Variants in PIK3AP1 observed in about 807,000 individuals in gnomAD.
PIK3AP1 encodes phosphoinositide 3-kinase adapter protein 1.
Under a neutral mutation model 88.1 loss-of-function variants are expected in PIK3AP1, and 21 were observed. The observed-to-expected ratio is 0.24, with a 90% confidence interval of 0.17 to 0.34. The LOEUF (loss-of-function observed/expected upper bound fraction) is 0.34, where lower values mean the gene tolerates loss of function less well. Ranked by LOEUF, PIK3AP1 falls within the 10% of genes least tolerant of loss-of-function variation. The pLI is 1.00. For missense variants in PIK3AP1, 828 were observed against 1,035.7 expected, an observed-to-expected ratio of 0.80 and a Z score of 2.75; for synonymous variants, 398 against 400.0, an observed-to-expected ratio of 1.00 and a Z score of 0.06.
At chr10:96,605,427 C>A (rs1402949147) in intron 14 of PIK3AP1, among the ~76,000 whole-genome samples, 1 of 152,142 alleles carries the variant, frequency 6.6e-6, no homozygotes, top group Non-Finnish European at 1.5e-5. Context: ...CATAACTGGA[C>A]AGCACAGCAT....
chr10:96,678,176 G>A (rs1283340364), intron 2 of PIK3AP1, among the ~76,000 whole-genome samples: 1 of 152,112 alleles, frequency 6.6e-6, no homozygotes, highest in Non-Finnish European at 1.5e-5. Flanking sequence ...GTTCATGCCT[G>A]TAATCCCAGC....
chr10:96,651,125 G>T, intron 6 of PIK3AP1, 123 bp downstream of exon 6: 1 of 1,282,914 alleles, frequency 7.8e-7, no homozygotes, highest in Non-Finnish European at 1.1e-6. Context: ...TCACAGGATA[G>T]GTTATAGAGA....
At chr10:96,642,144 G>A (rs1443711470) in intron 8 of PIK3AP1, among the ~76,000 whole-genome samples, 1 of 152,158 alleles carries the variant, frequency 6.6e-6, no homozygotes, top group Non-Finnish European at 1.5e-5. Flanking sequence ...AAAAATGTGG[G>A]CCGGGCATGG....
intron 2 of PIK3AP1, chr10:96,700,846 C>T: frequency 1.0e-6 from 1 of 985,710 alleles, no homozygotes; most frequent in Non-Finnish European, 1.2e-6. Flanking sequence ...GCAACTTCCC[C>T]TTTGCTCAGA....
chr10:96,700,149 CA>C (rs1844276897), intron 2 of PIK3AP1, among the ~76,000 whole-genome samples: 2 of 152,200 alleles, frequency 1.3e-5, no homozygotes, highest in Non-Finnish European at 1.5e-5. Context: ...TCACCAAACA[CA>C]GTTGACATAG....
intron 2 of PIK3AP1, among the ~76,000 whole-genome samples, chr10:96,689,575 C>CAAAAAA (rs56828361): frequency 1.4e-5 from 1 of 70,438 alleles, no homozygotes; most frequent in African/African-American, 5.2e-5. Context: ...GACTCTGTCT[C>CAAAAAA]AAAAAAAAAA....
At chr10:96,640,055 T>C (rs1277623438) in intron 8 of PIK3AP1, among the ~76,000 whole-genome samples, 1 of 151,804 alleles carries the variant, frequency 6.6e-6, no homozygotes, top group Non-Finnish European at 1.5e-5. Flanking sequence ...ACCAGGGAGG[T>C]TGCTAAGGGA....
chr10:96,678,745 C>G (rs541189443), intron 2 of PIK3AP1, among the ~76,000 whole-genome samples: 1 of 152,174 alleles, frequency 6.6e-6, no homozygotes, highest in African/African-American at 2.4e-5. Flanking sequence ...GCCTCAACAC[C>G]TTCCTCCTTT....
At chr10:96,638,169 T>G (rs1181399953) in intron 8 of PIK3AP1, among the ~76,000 whole-genome samples, 1 of 152,188 alleles carries the variant, frequency 6.6e-6, no homozygotes, top group Non-Finnish European at 1.5e-5. Flanking sequence ...GTTGGAAACT[T>G]AATCCCTCCA....
At position 96,698,915 on chromosome 10, in the gene PIK3AP1, C is replaced by T. The variant is rs151153562; in HGVS notation, c.430+10652G>A. Among the ~76,000 whole-genome samples the T allele has an allele frequency of 2.0e-3, 305 of 152,264 alleles. 2 individuals carry two copies. Among genetic ancestry groups the T allele is most frequent in the Middle Eastern group, 0.017 (5 of 294 alleles). On this transcript the variant is annotated intron_variant, in intron 2 of 16. Coordinates refer to ENST00000339364, the MANE Select transcript of PIK3AP1 (RefSeq NM_152309.3). ...ATATTAGGCCCGGCGTAGTGGCTCA[C>T]GCCTGTAATCCCAGCACTTTGGGAG...
chr10:96,658,503 C>T (rs555452886), intron 2 of PIK3AP1, among the ~76,000 whole-genome samples: 5 of 152,252 alleles, frequency 3.3e-5, no homozygotes, highest in African/African-American at 1.2e-4. Context: ...TCAGTACCAC[C>T]GTATCCTATT....
At chr10:96,682,030 A>C (rs995891713) in intron 2 of PIK3AP1, among the ~76,000 whole-genome samples, 2 of 152,038 alleles carry the variant, frequency 1.3e-5, no homozygotes, top group African/African-American at 4.8e-5. Context: ...AGAGAGAGAG[A>C]GAGAGAAACA....
intron 2 of PIK3AP1, among the ~76,000 whole-genome samples, chr10:96,695,227 TTG>T (rs1844204974): frequency 2.0e-5 from 3 of 152,126 alleles, no homozygotes; most frequent in Non-Finnish European, 2.9e-5. Flanking sequence ...AGTTAACAGG[TTG>T]GTTCTGTTTG....
chr10:96,597,806 G>C (rs1848805430), intron 16 of PIK3AP1, among the ~76,000 whole-genome samples: 2 of 152,042 alleles, frequency 1.3e-5, no homozygotes, highest in African/African-American at 2.4e-5. Flanking sequence ...CTGTTCCCCA[G>C]GTATGCCCCA....
intron 13 of PIK3AP1, among the ~76,000 whole-genome samples, chr10:96,614,365 A>G (rs1343708538): frequency 2.0e-5 from 3 of 151,782 alleles, no homozygotes; most frequent in Non-Finnish European, 4.4e-5. Context: ...CTATTATCTG[A>G]CCCTAGGATG....
intron 2 of PIK3AP1, among the ~76,000 whole-genome samples, chr10:96,680,676 A>G (rs1843987516): frequency 6.6e-6 from 1 of 152,216 alleles, no homozygotes; most frequent in South Asian, 2.1e-4. Flanking sequence ...TCCACAGTGT[A>G]TATGTACCAC....
intron 13 of PIK3AP1, among the ~76,000 whole-genome samples, chr10:96,612,805 T>A (rs970012142): frequency 1.3e-5 from 2 of 151,430 alleles, no homozygotes; most frequent in Non-Finnish European, 2.9e-5. Flanking sequence ...CACTTCTCCA[T>A]CCCCTACCAC....
At chr10:96,596,163 G>A (rs1480105801) in intron 16 of PIK3AP1, among the ~76,000 whole-genome samples, 4 of 152,098 alleles carry the variant, frequency 2.6e-5, no homozygotes, top group Non-Finnish European at 4.4e-5. Context: ...CACTTTATGG[G>A]GCCACCATCC....
chr10:96,652,876 C>G lies in PIK3AP1; in HGVS notation c.568-34G>C, dbSNP rs199633387. ...GGAAGCCGGTCATTGTCCCCTCTCC[C>G]TCTCAGATCCCCGTAGGGTGTTGGG... is the stretch of plus-strand genomic sequence containing the variant. On this transcript the variant is annotated intron_variant, in intron 3 of 16. Coordinates refer to ENST00000339364, the MANE Select transcript of PIK3AP1 (RefSeq NM_152309.3). 5.4e-5 allele frequency: 87 copies of G among 1,604,918 alleles called. 1 individual carries two copies. The South Asian group carries it at 7.4e-4, about 14-fold the overall frequency.
Sources: allele counts gnomAD v4.1 joint callset (sites outside exome capture counted in the v4.1 genomes callset), GRCh38; gene constraint gnomAD v4.1.1; transcripts MANE v1.5; gene names NCBI Gene and HGNC (gene_info 2026-07-23, HGNC 2026-07-21).